The following PDE4D variants were observed in gnomAD, a reference collection of about 807,000 sequenced individuals.
PDE4D encodes the protein phosphodiesterase 4D.
A neutral mutation model predicts 87.4 loss-of-function variants in PDE4D; 24 were observed. That is an observed-to-expected ratio of 0.27 (90% CI 0.20 to 0.39). The LOEUF (loss-of-function observed/expected upper bound fraction) is 0.39. Ranked by LOEUF, PDE4D falls within the 10% of genes least tolerant of loss-of-function variation. The pLI, the probability that PDE4D is intolerant of heterozygous loss-of-function variation, is 1.00. For synonymous variants in PDE4D, 384 were observed against 383.2 expected, an observed-to-expected ratio of 1.00 and a Z score of -0.02; for missense variants, 714 against 1,041.0, an observed-to-expected ratio of 0.69 and a Z score of 4.32.
intron 1 of PDE4D, among the ~76,000 whole-genome samples, chr5:59,422,603 A>C (rs779222118): frequency 1.3e-5 from 2 of 152,234 alleles, no homozygotes; most frequent in Non-Finnish European, 2.9e-5. Context: ...TGAAAAACTA[A>C]AAAGAAAGTT....
chr5:59,698,094 A>G (rs1206434106), intron 1 of PDE4D, among the ~76,000 whole-genome samples: 2 of 152,156 alleles, frequency 1.3e-5, no homozygotes, highest in East Asian at 3.9e-4. Flanking sequence ...CAAAAACAGT[A>G]TAGAAAGCAT....
chr5:59,752,064 T>C (rs901497556), intron 1 of PDE4D, among the ~76,000 whole-genome samples: 1 of 152,174 alleles, frequency 6.6e-6, no homozygotes, highest in African/African-American at 2.4e-5. Context: ...AACCACTCTT[T>C]ATGCTTAGTT....
intron 1 of PDE4D, among the ~76,000 whole-genome samples, chr5:60,380,362 T>C (rs775601063): frequency 7.9e-5 from 12 of 152,232 alleles, no homozygotes; most frequent in Non-Finnish European, 1.8e-4. Context: ...GGGAATAGTA[T>C]ACATCCCTAA....
chr5:59,485,420 C>A (rs1230603761), intron 1 of PDE4D, among the ~76,000 whole-genome samples: 2 of 151,862 alleles, frequency 1.3e-5, no homozygotes, highest in Non-Finnish European at 2.9e-5. Flanking sequence ...AAAGATATAC[C>A]CAGGAAATTA....
At chr5:60,287,310 C>G (rs561995716) in intron 1 of PDE4D, among the ~76,000 whole-genome samples, 1 of 152,230 alleles carries the variant, frequency 6.6e-6, no homozygotes, top group East Asian at 1.9e-4. Context: ...AAATGCAGCT[C>G]CCCTAGCTGT....
chr5:60,272,316 T>C (rs899773349), intron 1 of PDE4D, among the ~76,000 whole-genome samples: 4 of 152,232 alleles, frequency 2.6e-5, no homozygotes, highest in Admixed American at 2.6e-4. Context: ...GCTGGAGTGT[T>C]TGTCATCAAC....
chr5:59,687,840 C>A (rs930114495), intron 1 of PDE4D, among the ~76,000 whole-genome samples: 2 of 152,056 alleles, frequency 1.3e-5, no homozygotes, highest in Non-Finnish European at 2.9e-5. Flanking sequence ...CGTGCAGAGA[C>A]ACACACAGGC....
At chr5:59,958,801 C>A (rs968970870) in intron 3 of PDE4D, among the ~76,000 whole-genome samples, 1 of 152,064 alleles carries the variant, frequency 6.6e-6, no homozygotes, top group Non-Finnish European at 1.5e-5. Flanking sequence ...GATGCCCATT[C>A]CTACCATTCC....
chr5:60,119,767 G>T (rs1778505111), intron 2 of PDE4D, among the ~76,000 whole-genome samples: 1 of 152,024 alleles, frequency 6.6e-6, no homozygotes, highest in Admixed American at 6.6e-5. Context: ...TACATAAGTG[G>T]GTATGAGAAA....
chr5:59,796,712 ATTTT>A (rs1285405563), intron 1 of PDE4D, among the ~76,000 whole-genome samples: 1 of 152,206 alleles, frequency 6.6e-6, no homozygotes, highest in Non-Finnish European at 1.5e-5. Flanking sequence ...GATGACACTT[ATTTT>A]AAGTTTTCTT....
At chr5:60,244,711 C>A (rs1301790828) in intron 1 of PDE4D, among the ~76,000 whole-genome samples, 4 of 151,920 alleles carry the variant, frequency 2.6e-5, no homozygotes, top group Non-Finnish European at 5.9e-5. Context: ...AGGATGATTT[C>A]TTCTATAAAT....
chr5:59,169,691 G>C (rs1782463027), intron 5 of PDE4D, among the ~76,000 whole-genome samples: 1 of 152,200 alleles, frequency 6.6e-6, no homozygotes, highest in African/African-American at 2.4e-5. Context: ...CAGAAAGACA[G>C]GTATTTTCCA....
At chr5:59,777,317 C>A (rs1764176568) in intron 1 of PDE4D, among the ~76,000 whole-genome samples, 1 of 152,108 alleles carries the variant, frequency 6.6e-6, no homozygotes, top group Admixed American at 6.5e-5. Context: ...ATAACCTTAG[C>A]AAAGACTATG....
upstream of PDE4D, among the ~76,000 whole-genome samples, chr5:59,897,448 T>C (rs1751774447): frequency 6.6e-6 from 1 of 152,096 alleles, no homozygotes; most frequent in Non-Finnish European, 1.5e-5. Context: ...AGGAGGATTT[T>C]TTTTTTTACT....
intron 1 of PDE4D, among the ~76,000 whole-genome samples, chr5:60,354,484 C>G (rs1169643564): frequency 6.6e-6 from 1 of 152,156 alleles, no homozygotes; most frequent in Non-Finnish European, 1.5e-5. Flanking sequence ...GGAGTATACC[C>G]TTGTTACCAA....
At chr5:59,806,409 C>T (rs1351312813) in intron 1 of PDE4D, among the ~76,000 whole-genome samples, 1 of 152,126 alleles carries the variant, frequency 6.6e-6, no homozygotes, top group Non-Finnish European at 1.5e-5. Context: ...GAGCAAGTCC[C>T]CACTTATCAA....
chr5:59,718,832 T>C (rs1755402739), intron 1 of PDE4D, among the ~76,000 whole-genome samples: 1 of 152,150 alleles, frequency 6.6e-6, no homozygotes, highest in Non-Finnish European at 1.5e-5. Context: ...GTCTTTCAGA[T>C]TGTAGTAATT....
chr5:59,700,218 A>C (rs1469496124), intron 1 of PDE4D, among the ~76,000 whole-genome samples: 1 of 152,204 alleles, frequency 6.6e-6, no homozygotes, highest in African/African-American at 2.4e-5. Flanking sequence ...TTTAAAGTGA[A>C]ATCAATTAAT....
At chr5:59,814,224 C>T (rs1768714313) in intron 1 of PDE4D, among the ~76,000 whole-genome samples, 1 of 152,112 alleles carries the variant, frequency 6.6e-6, no homozygotes, top group Admixed American at 6.5e-5. Context: ...TTTATTGGGA[C>T]ACAACCATTC....
Sources: gnomAD v4.1 joint callset for allele counts (sites outside exome capture counted in the v4.1 genomes callset) on GRCh38, gnomAD v4.1.1 for gene constraint, MANE v1.5 for transcripts, NCBI Gene and HGNC (gene_info 2026-07-23, HGNC 2026-07-21) for gene names.